The following WDFY4 variants were observed in gnomAD, a reference collection of about 807,000 sequenced individuals.
The protein encoded by WDFY4 is WDFY family member 4.
In WDFY4, 169 loss-of-function variants were observed where a neutral mutation model predicts 351.9. The ratio of observed to expected loss-of-function variants is 0.48; its 90% CI spans 0.42 to 0.55. WDFY4 has a LOEUF of 0.55. Among genes scored for constraint, WDFY4 ranks in the 20% least tolerant of loss-of-function variants. The probability of loss-of-function intolerance (pLI) is 0.00; values close to 1 mark genes in which losing one functional copy is unlikely to be tolerated. For missense variants in WDFY4, 3,803 were observed against 3,935.6 expected (o/e 0.97, Z 0.90); for synonymous variants, 1,622 against 1,574.6 (o/e 1.03, Z -0.71).
intron 15 of WDFY4, 24 bp downstream of exon 15, chr10:48,775,830 G>A (rs373663784): frequency 1.9e-5 from 30 of 1,539,144 alleles, no homozygotes; most frequent in East Asian, 1.2e-4. Context: ...CAAGAACGGG[G>A]CAGGTTAATG....
Position 48,975,003 on chromosome 10 carries a change from C to T in WDFY4, c.9070C>T (p.Arg3024Trp), listed in dbSNP as rs770362771. 32 of 1,551,596 alleles carry T rather than the reference C, an allele frequency of 2.1e-5. No individual in the cohort carries two copies. Among genetic ancestry groups the T allele is most frequent in the Middle Eastern group, 1.7e-4 (1 of 6,014 alleles). ...LTHVTRLPAH[R>W]EGISAITISD... ...CCACGTGACCCGCCTGCCCGCCCATCGGGAAGGCATCTCAGCCATCACCAT... is the reference window on the plus strand; with the variant it reads ...CCACGTGACCCGCCTGCCCGCCCATTGGGAAGGCATCTCAGCCATCACCAT... Residue 3024 changes from arginine to tryptophan, a missense_variant, in exon 58 of 62, where the codon CGG becomes TGG. Arg to Trp is a moderately radical substitution (Grantham distance 101). Transcript: ENST00000325239.
chr10:48,868,257 C>G (rs866132173), intron 40 of WDFY4, among the ~76,000 whole-genome samples: 1 of 152,226 alleles, frequency 6.6e-6, no homozygotes, highest in Non-Finnish European at 1.5e-5. Context: ...CACAGCTTAG[C>G]AACATAGCCT....
intron 47 of WDFY4, chr10:48,910,190 G>T: frequency 6.7e-7 from 1 of 1,499,356 alleles, no homozygotes; most frequent in Non-Finnish European, 9.3e-7. Flanking sequence ...CTTCAGAGTC[G>T]TTTATTCTGT....
intron 47 of WDFY4, among the ~76,000 whole-genome samples, chr10:48,929,538 C>T (rs1323781387): frequency 1.3e-5 from 2 of 152,204 alleles, no homozygotes; most frequent in Non-Finnish European, 1.5e-5. Flanking sequence ...GCCCCTTGCT[C>T]CTCTTCTCTG....
chr10:48,742,971 C>A lies in WDFY4; in HGVS notation c.1882C>A (p.Leu628Met). Residue 628 changes from leucine to methionine, a missense_variant, in exon 12 of 62, where the codon CTG (leucine) becomes ATG (methionine). This residue lies in a region of WDFY4 where 261 missense variants were observed against 330.2 expected (regional missense o/e 0.79). Transcript: ENST00000325239. ...TTTGATTTGCTTGGTGTTTCAGTCT[C>A]TGCTCCGGATCCTGGTGACCCCCAA... The part of the protein sequence containing the change: ...LQLKLDLLKS[L>M]LRILVTPKGR... 1 of 1,543,056 alleles carries A rather than the reference C, an allele frequency of 6.5e-7. No homozygotes were observed.
intron 33 of WDFY4, 133 bp from the exon 34 acceptor site, chr10:48,820,929 A>C (rs552945174): frequency 3.1e-6 from 2 of 652,432 alleles, no homozygotes; most frequent in East Asian, 2.8e-5. Context: ...CCCCCAGAGA[A>C]GGGAAAATTG....
At chr10:48,806,181 A>G (rs2132876357) in intron 27 of WDFY4, 86 bp downstream of exon 27, 1 of 1,384,346 alleles carries the variant, frequency 7.2e-7, no homozygotes, top group East Asian at 2.5e-5. Flanking sequence ...GGGAGGGGCT[A>G]AGTAAGGAAG....
Position 48,873,702 on chromosome 10 carries a change from G to A in WDFY4, c.6948+5G>A. 1 of 1,551,588 alleles carries A rather than the reference G, an allele frequency of 6.4e-7. No individual in the cohort carries two copies. Among genetic ancestry groups the A allele is most frequent in the Non-Finnish European group, 8.7e-7 (1 of 1,146,982 alleles). On this transcript the variant is annotated splice_donor_5th_base_variant and intron_variant, in intron 41 of 61. Coordinates refer to ENST00000325239, the MANE Select transcript of WDFY4 (RefSeq NM_001394531.1). Reference sequence around the variant, plus strand: ...CTGAGCTCAGGAAGGCACAAGGTAGGAGTCAGGCGCAGTGGGACAGTGCTG... The same window carrying A: ...CTGAGCTCAGGAAGGCACAAGGTAGAAGTCAGGCGCAGTGGGACAGTGCTG...
chr10:48,925,247 CTG>C (rs1298240592), intron 47 of WDFY4, among the ~76,000 whole-genome samples: 21 of 152,340 alleles, frequency 1.4e-4, no homozygotes, highest in African/African-American at 4.8e-4. Flanking sequence ...TCAGATCACT[CTG>C]TGTCCTCTGC....
At chr10:48,885,583 G>A (rs2070420214) in intron 43 of WDFY4, among the ~76,000 whole-genome samples, 1 of 152,208 alleles carries the variant, frequency 6.6e-6, no homozygotes, top group Non-Finnish European at 1.5e-5. Flanking sequence ...CAGGCAGGGG[G>A]CATCCCTGCT....
chr10:48,959,536 G>A (rs1435992835), intron 52 of WDFY4, among the ~76,000 whole-genome samples, 186 bp from the exon 53 acceptor site: 1 of 152,224 alleles, frequency 6.6e-6, no homozygotes, highest in African/African-American at 2.4e-5. Context: ...GGAGGCAAAG[G>A]CCTAGAAGCC....
At chr10:48,694,445 G>A (rs1313881077) in intron 1 of WDFY4, among the ~76,000 whole-genome samples, 1 of 151,948 alleles carries the variant, frequency 6.6e-6, no homozygotes, top group African/African-American at 2.4e-5. Context: ...CTGCTTCTGT[G>A]ACACCTCTTC....
At chr10:48,702,873 G>A (rs2063518993) in intron 1 of WDFY4, among the ~76,000 whole-genome samples, 1 of 152,176 alleles carries the variant, frequency 6.6e-6, no homozygotes, top group Admixed American at 6.5e-5. Flanking sequence ...TGGTTGCTCT[G>A]CACCCTTGCC....
At chr10:48,913,630 G>T in intron 47 of WDFY4, 1 of 1,614,016 alleles carries the variant, frequency 6.2e-7, no homozygotes, top group Admixed American at 1.7e-5. Flanking sequence ...AAGGGGTTCC[G>T]CTTTATGTTG....
chr10:48,964,203 C>A, intron 54 of WDFY4, 149 bp downstream of exon 54: 1 of 861,824 alleles, frequency 1.2e-6, no homozygotes, highest in Non-Finnish European at 1.8e-6. Context: ...CAGGCTTAAC[C>A]CTCAGTTACC....
At chr10:48,736,315 C>T in intron 11 of WDFY4, 1 of 609,990 alleles carries the variant, frequency 1.6e-6, no homozygotes, top group Non-Finnish European at 2.9e-6. Context: ...AAGGAACTAC[C>T]ATCACCTGGG....
At chr10:48,688,079 G>A (rs566194826) in intron 1 of WDFY4, among the ~76,000 whole-genome samples, 5 of 152,078 alleles carry the variant, frequency 3.3e-5, no homozygotes, top group Non-Finnish European at 7.4e-5. Context: ...CACCACACCC[G>A]GCCTAATAGG....
chr10:48,927,025 C>G (rs1380222088), intron 47 of WDFY4, among the ~76,000 whole-genome samples: 1 of 152,160 alleles, frequency 6.6e-6, no homozygotes, highest in African/African-American at 2.4e-5. Flanking sequence ...CTGGTTCTCA[C>G]CAGAGAGGCA....
At chr10:48,716,000 C>T (rs1209865503) in intron 2 of WDFY4, among the ~76,000 whole-genome samples, 1 of 152,014 alleles carries the variant, frequency 6.6e-6, no homozygotes, top group Non-Finnish European at 1.5e-5. Flanking sequence ...AAGGGTAAGC[C>T]CTCCTCTTTG....
Sources: allele counts gnomAD v4.1 joint callset (sites outside exome capture counted in the v4.1 genomes callset), GRCh38; gene constraint gnomAD v4.1.1; regional missense constraint gnomAD v4.1.1; transcripts MANE v1.5; gene names NCBI Gene and HGNC (gene_info 2026-07-23, HGNC 2026-07-21).